The following NAA30 variants were observed in gnomAD, a reference collection of about 807,000 sequenced individuals.
NAA30 encodes the protein N-alpha-acetyltransferase 30.
In NAA30, 5 loss-of-function variants were observed where a neutral mutation model predicts 31.4. That is an observed-to-expected ratio of 0.16 (90% confidence interval 0.08 to 0.33). The LOEUF is 0.33. Ranked by LOEUF, NAA30 falls within the 10% of genes least tolerant of loss-of-function variation. The pLI is 1.00. For missense variants in NAA30, 428 were observed against 490.8 expected, an observed-to-expected ratio of 0.87 and a Z score of 1.21; for synonymous variants, 222 against 207.1, an observed-to-expected ratio of 1.07 and a Z score of -0.62.
At position 57,413,357 on chromosome 14, in the gene NAA30, G is replaced by A. The variant is rs2139769605; in HGVS notation, c.*3841G>A. 6.6e-6 allele frequency: 1 copy of A among 152,226 alleles called. No homozygotes were observed. The highest frequency in any genetic ancestry group is 1.5e-5 in the Non-Finnish European group (1 of 68,008). 9.4% of individuals were successfully genotyped at this position (152,226 alleles called of 1,614,324 possible). On this transcript the variant is annotated 3_prime_UTR_variant, in exon 5 of 5. Transcript: ENST00000556492. ...AGAGTAATACTGTAAAAGTATCTGA[G>A]TTTGTTTTATTTGGGCCTTATGTGG...
intron 2 of NAA30, among the ~76,000 whole-genome samples, chr14:57,396,438 T>G (rs940521236): frequency 6.6e-6 from 1 of 152,210 alleles, no homozygotes; most frequent in Non-Finnish European, 1.5e-5. Flanking sequence ...TAATTGTGAT[T>G]TTAAGCACCT....
At chr14:57,395,319 A>C (rs533981982) in intron 2 of NAA30, among the ~76,000 whole-genome samples, 1 of 152,274 alleles carries the variant, frequency 6.6e-6, no homozygotes, top group East Asian at 1.9e-4. Flanking sequence ...ACAGTTAAAA[A>C]AAGGCCTTTT....
chr14:57,396,784 C>A lies in NAA30; in HGVS notation c.804C>A (p.Ile268=). The change falls in exon 3 of 5, where the codon ATC becomes ATA. Residue 268 remains isoleucine (I), a synonymous_variant. Coordinates refer to ENST00000556492, the MANE Select transcript of NAA30 (RefSeq NM_001011713.3). ...AMVGEECVGA[I]VCKLDMHKKM... is the part of the protein sequence containing the mutation. ...TAGGGGAGGAGTGTGTAGGTGCCAT[C>A]GTTTGCAAGTTGGATATGCACAAAA... 1 of 1,613,884 alleles carries A rather than the reference C, an allele frequency of 6.2e-7. No homozygotes were observed.
rs2066544623 is a variant in NAA30 at position 57,415,799 on chromosome 14, T to C, written c.*6283T>C. Reference sequence around the variant, plus strand: ...TGCCTTTATACTTTTGACACCTCCCTCCCTCCCTCCCTCCAAACTGTGGCT... The same window carrying C: ...TGCCTTTATACTTTTGACACCTCCCCCCCTCCCTCCCTCCAAACTGTGGCT... On this transcript the variant is annotated 3_prime_UTR_variant, in exon 5 of 5. Transcript: ENST00000556492. 1 of 145,548 alleles carries C rather than the reference T, an allele frequency of 6.9e-6. No individual in the cohort carries two copies. The highest frequency in any genetic ancestry group is 2.5e-5 in the African/African-American group (1 of 40,422). 9.0% of individuals were successfully genotyped at this position (145,548 alleles called of 1,614,324 possible).
intron 4 of NAA30, among the ~76,000 whole-genome samples, chr14:57,409,115 T>C (rs2066511955): frequency 6.6e-6 from 1 of 152,208 alleles, no homozygotes; most frequent in African/African-American, 2.4e-5. Flanking sequence ...TTTGTTTTAG[T>C]ATAAAACATA....
In NAA30 at chr14:57,411,138, A is replaced by G. The variant is rs1017832888; in HGVS notation, c.*1622A>G. The G allele has an allele frequency of 3.9e-5, 6 of 152,310 alleles. No individual in the cohort carries two copies. Among genetic ancestry groups the G allele is most frequent in the Non-Finnish European group, 7.4e-5 (5 of 67,936 alleles). The allele number at this position is 152,310 out of a possible 1,614,324, so 9.4% of individuals were successfully genotyped here. Reference sequence around the variant, plus strand: ...AAGTGAACATAGTAACAAATACTTTAAAAATAAAGATACACAATTTATATT... The same window carrying G: ...AAGTGAACATAGTAACAAATACTTTGAAAATAAAGATACACAATTTATATT... On this transcript the variant is annotated 3_prime_UTR_variant, in exon 5 of 5. Coordinates refer to ENST00000556492, the MANE Select transcript of NAA30 (RefSeq NM_001011713.3).
Position 57,391,468 on chromosome 14 carries a change from G to C in NAA30, c.511G>C (p.Glu171Gln). ...DPAAARNGLAEGTEQEEEEED... is the reference protein window; with the variant it reads ...DPAAARNGLAQGTEQEEEEED... Reference sequence around the variant, plus strand: ...CGCGGCGGCCCGCAATGGACTGGCCGAGGGCACCGAGCAGGAGGAGGAGGA... The same window carrying C: ...CGCGGCGGCCCGCAATGGACTGGCCCAGGGCACCGAGCAGGAGGAGGAGGA... The change falls in exon 2 of 5, where the codon GAG becomes CAG. Residue 171 changes from glutamate (E) to glutamine (Q), a missense_variant. By Grantham distance (29) the Glu-to-Gln change is conservative (BLOSUM62 2). Coordinates refer to ENST00000556492, the MANE Select transcript of NAA30 (RefSeq NM_001011713.3). The surrounding 1 kb of genome is among the most constrained non-coding windows in gnomAD (Gnocchi z 4.1). The C allele has an allele frequency of 6.2e-7, 1 of 1,611,694 alleles. No homozygotes were observed. The highest frequency in any genetic ancestry group is 8.5e-7 in the Non-Finnish European group (1 of 1,179,166).
chr14:57,399,880 T>C lies in NAA30; in HGVS notation c.948T>C (p.Asp316=). The C allele has an allele frequency of 6.7e-7, 1 of 1,502,580 alleles. No homozygotes were observed. The highest frequency in any genetic ancestry group is 1.4e-5 in the African/African-American group (1 of 73,288). The allele number at this position is 1,502,580 out of a possible 1,614,324, so 93.1% of individuals were successfully genotyped here. The change falls in exon 4 of 5, where the codon GAT becomes GAC. Residue 316 remains aspartate (D), a synonymous_variant. Transcript: ENST00000556492. ...ATGCCATGGTTGAGGGAGACTGTGA[T>C]GAGGTAAGTCTTTAAAAATGTTTAA... ...AIYAMVEGDC[D]EVVLETEITN...
At chr14:57,401,432 A>T (rs1002970528) in intron 4 of NAA30, among the ~76,000 whole-genome samples, 3 of 152,250 alleles carry the variant, frequency 2.0e-5, no homozygotes, top group Non-Finnish European at 4.4e-5. Context: ...ATAATGCAAA[A>T]GGTGCAGTCG....
chr14:57,395,943 C>A (rs1367811265), intron 2 of NAA30, among the ~76,000 whole-genome samples: 1 of 152,032 alleles, frequency 6.6e-6, no homozygotes, highest in Non-Finnish European at 1.5e-5. Context: ...TTATATCTGG[C>A]TTTCACTAAA....
Position 57,412,293 on chromosome 14 carries a change from C to T in NAA30, c.*2777C>T, listed in dbSNP as rs2066527059. On this transcript the variant is annotated 3_prime_UTR_variant, in exon 5 of 5. Transcript: ENST00000556492. ...CAAATTACCCTTCCCACTTGCTCGA[C>T]AAATCTATGTAAAGCAGTTTGTTTT... is the stretch of plus-strand genomic sequence containing the variant. 6.6e-6 allele frequency: 1 copy of T among 152,132 alleles called. No homozygotes were observed. The highest frequency in any genetic ancestry group is 2.4e-5 in the African/African-American group (1 of 41,408). The allele number at this position is 152,132 out of a possible 1,614,324, so 9.4% of individuals were successfully genotyped here.
At chr14:57,402,765 C>G (rs1454957662) in intron 4 of NAA30, among the ~76,000 whole-genome samples, 1 of 152,220 alleles carries the variant, frequency 6.6e-6, no homozygotes, top group Non-Finnish European at 1.5e-5. Flanking sequence ...GACAAATTAT[C>G]TGAAAATCTG....
chr14:57,407,144 C>A (rs1198640137), intron 4 of NAA30, among the ~76,000 whole-genome samples: 2 of 152,130 alleles, frequency 1.3e-5, no homozygotes, highest in African/African-American at 4.8e-5. Context: ...CTGCCTTGAC[C>A]TCCCAAAGTG....
chr14:57,399,330 A>G (rs1206292444), intron 3 of NAA30, among the ~76,000 whole-genome samples: 3 of 152,240 alleles, frequency 2.0e-5, no homozygotes, highest in African/African-American at 4.8e-5. Context: ...GCCAGACTTC[A>G]TCGTGCTCAC....
chr14:57,406,212 CTTCAT>C (rs1407062493), intron 4 of NAA30, among the ~76,000 whole-genome samples: 1 of 152,086 alleles, frequency 6.6e-6, no homozygotes, highest in Non-Finnish European at 1.5e-5. Context: ...TGTAATTGAG[CTTCAT>C]TTCATTAATA....
rs530721449 is a variant in NAA30, at chr14:57,397,276, A to T, written c.895+401A>T. ...AGTGGACCTCAATCAAGCCAAAATT[A>T]TGGACAAATTGTTACCATTACTTGG... On this transcript the variant is annotated intron_variant, in intron 3 of 4. Transcript: ENST00000556492. Among the ~76,000 whole-genome samples the T allele has an allele frequency of 4.6e-5, 7 of 152,346 alleles. No homozygotes were observed. In the East Asian group the frequency reaches 1.3e-3, roughly 29 times the overall value.
chr14:57,404,645 A>T (rs2066490881), intron 4 of NAA30, among the ~76,000 whole-genome samples: 1 of 152,184 alleles, frequency 6.6e-6, no homozygotes, highest in African/African-American at 2.4e-5. Context: ...CAAAAGAAAG[A>T]GTACCACGTT....
At chr14:57,403,054 G>C (rs549094531) in intron 4 of NAA30, among the ~76,000 whole-genome samples, 1 of 152,100 alleles carries the variant, frequency 6.6e-6, no homozygotes, top group African/African-American at 2.4e-5. Flanking sequence ...GGTGCCACAC[G>C]CCTATAGTCC....
Position 57,414,983 on chromosome 14 carries a change from G to A in NAA30, c.*5467G>A, listed in dbSNP as rs1410354493. The A allele has an allele frequency of 2.0e-5, 3 of 152,180 alleles. No homozygotes were observed. The highest frequency in any genetic ancestry group is 7.2e-5 in the African/African-American group (3 of 41,434). 9.4% of individuals were successfully genotyped at this position (152,180 alleles called of 1,614,324 possible). On this transcript the variant is annotated 3_prime_UTR_variant, in exon 5 of 5. Transcript: ENST00000556492. The stretch of plus-strand genomic sequence containing the variant: ...TGGGGGTTATAATGAAATAGTTTTA[G>A]TCTATGTAAGGTTTTTATAATGCTA...
Sources: allele counts gnomAD v4.1 joint callset (sites outside exome capture counted in the v4.1 genomes callset), GRCh38; gene constraint gnomAD v4.1.1; non-coding constraint Gnocchi (gnomAD v3.1); transcripts MANE v1.5; gene names NCBI Gene and HGNC (gene_info 2026-07-23, HGNC 2026-07-21).